Variants in NALF1 observed in about 807,000 individuals in gnomAD.
NALF1 encodes the protein NALCN channel auxiliary factor 1.
Under a neutral mutation model 48.4 loss-of-function variants are expected in NALF1, and 3 were observed. The ratio of observed to expected loss-of-function variants is 0.06; its 90% CI spans 0.03 to 0.16. NALF1 has a LOEUF of 0.16. Among genes scored for constraint, NALF1 ranks in the 10% least tolerant of loss-of-function variants. NALF1 has a pLI of 1.00. For synonymous variants in NALF1, 262 were observed against 245.7 expected, an observed-to-expected ratio of 1.07 and a Z score of -0.62; for missense variants, 526 against 571.5, an observed-to-expected ratio of 0.92 and a Z score of 0.81.
chr13:107,447,390 C>T (rs931714878), intron 1 of NALF1, among the ~76,000 whole-genome samples: 2 of 152,076 alleles, frequency 1.3e-5, no homozygotes, highest in Non-Finnish European at 2.9e-5. Flanking sequence ...TCCATCTCTC[C>T]TTTCTTCAAC....
chr13:107,586,094 C>T (rs1878448215), intron 1 of NALF1, among the ~76,000 whole-genome samples: 1 of 151,980 alleles, frequency 6.6e-6, no homozygotes, highest in South Asian at 2.1e-4. Context: ...ATATAGAAGG[C>T]TATGTGTGAA....
At chr13:107,849,814 A>G (rs1880264937) in intron 1 of NALF1, among the ~76,000 whole-genome samples, 2 of 152,150 alleles carry the variant, frequency 1.3e-5, no homozygotes, top group Admixed American at 1.3e-4. Flanking sequence ...AAGTGATTAG[A>G]CAAAAATAAT....
chr13:107,462,174 TG>T (rs1884929664), intron 1 of NALF1, among the ~76,000 whole-genome samples: 1 of 152,208 alleles, frequency 6.6e-6, no homozygotes. Flanking sequence ...TCATTTTTTT[TG>T]TGTGTCCTAC....
intron 1 of NALF1, among the ~76,000 whole-genome samples, chr13:107,653,608 A>T (rs1371618939): frequency 6.6e-6 from 1 of 151,994 alleles, no homozygotes; most frequent in Non-Finnish European, 1.5e-5. Context: ...CCATCCCTGA[A>T]TAGAATATAT....
At chr13:107,799,583 T>A (rs982720619) in intron 1 of NALF1, among the ~76,000 whole-genome samples, 2 of 152,226 alleles carry the variant, frequency 1.3e-5, no homozygotes, top group African/African-American at 2.4e-5. Context: ...TTACAAATAA[T>A]TCTTACCTTT....
rs1276647887 is a variant in NALF1, at chr13:107,362,620, A to T, written c.916-151865T>A. 6.6e-6 allele frequency among the ~76,000 whole-genome samples: 1 copy of T among 152,128 alleles called. No individual in the cohort carries two copies. The highest frequency in any genetic ancestry group is 1.9e-4 in the East Asian group (1 of 5,176). On this transcript the variant is annotated intron_variant, in intron 1 of 2. Transcript: ENST00000375915. This position sits in a 1 kb window ranked among gnomAD's most constrained non-coding sequence, Gnocchi z 4.6. ...ATGACCTCATCTTAATCATCTGTGA[A>T]GGCCTTATTTCCAAATAAGGTCACA...
intron 1 of NALF1, among the ~76,000 whole-genome samples, chr13:107,604,932 T>C (rs769269341): frequency 3.9e-5 from 6 of 152,296 alleles, no homozygotes; most frequent in Non-Finnish European, 7.4e-5. Context: ...GCTTACTATG[T>C]GCCAGACCCT....
chr13:107,689,758 G>A (rs1881524323), intron 1 of NALF1, among the ~76,000 whole-genome samples: 1 of 152,154 alleles, frequency 6.6e-6, no homozygotes, highest in African/African-American at 2.4e-5. Flanking sequence ...ATGTGTAAGT[G>A]AATGAGTTAT....
At chr13:107,759,755 G>A (rs1877213326) in intron 1 of NALF1, among the ~76,000 whole-genome samples, 1 of 149,696 alleles carries the variant, frequency 6.7e-6, no homozygotes, top group South Asian at 2.1e-4. Flanking sequence ...ATCTTCAAAT[G>A]GCATTTACTT....
At chr13:107,595,527 A>G (rs1878719830) in intron 1 of NALF1, among the ~76,000 whole-genome samples, 1 of 152,202 alleles carries the variant, frequency 6.6e-6, no homozygotes, top group African/African-American at 2.4e-5. Flanking sequence ...GCTTCATTTC[A>G]TAACAAGCCA....
At chr13:107,172,044 T>C (rs911871496) in intron 2 of NALF1, among the ~76,000 whole-genome samples, 1 of 152,176 alleles carries the variant, frequency 6.6e-6, no homozygotes, top group Non-Finnish European at 1.5e-5. Context: ...GGCTCACTGC[T>C]CAATGTTCCC....
intron 1 of NALF1, among the ~76,000 whole-genome samples, chr13:107,616,478 T>G (rs1879383200): frequency 6.6e-6 from 1 of 152,206 alleles, no homozygotes; most frequent in Admixed American, 6.5e-5. Context: ...TCAAAACCAT[T>G]TATGTGTTAT....
chr13:107,600,586 A>C (rs1028888848), intron 1 of NALF1, among the ~76,000 whole-genome samples: 3 of 152,202 alleles, frequency 2.0e-5, no homozygotes, highest in African/African-American at 7.2e-5. Context: ...GCTAAGTCAC[A>C]TGTTTATTGT....
intron 1 of NALF1, among the ~76,000 whole-genome samples, chr13:107,257,584 G>A (rs1880845437): frequency 6.6e-6 from 1 of 151,776 alleles, no homozygotes; most frequent in South Asian, 2.1e-4. Context: ...CATTGAAATG[G>A]GTATCTCTCC....
At chr13:107,828,567 C>A (rs116391990) in intron 1 of NALF1, among the ~76,000 whole-genome samples, 1,377 of 117,832 alleles carry the variant, frequency 0.012, 23 homozygotes, top group African/African-American at 0.038. Flanking sequence ...ATATTAAATT[C>A]TATCTATCTA....
intron 1 of NALF1, among the ~76,000 whole-genome samples, chr13:107,527,930 T>C (rs186819930): frequency 2.9e-4 from 44 of 152,256 alleles, no homozygotes; most frequent in Admixed American, 2.7e-3. Flanking sequence ...AACAAACTAA[T>C]ACAAAGCCTA....
chr13:107,262,751 G>T (rs1880954528), intron 1 of NALF1, among the ~76,000 whole-genome samples: 1 of 140,628 alleles, frequency 7.1e-6, no homozygotes, highest in Non-Finnish European at 1.5e-5. Context: ...ACCATATTAA[G>T]TTGCATAACC....
chr13:107,493,630 T>A (rs1406738319), intron 1 of NALF1, among the ~76,000 whole-genome samples: 1 of 151,968 alleles, frequency 6.6e-6, no homozygotes, highest in Non-Finnish European at 1.5e-5. Context: ...GCAAATGCAA[T>A]CCCAGGGAGA....
At chr13:107,288,723 G>A (rs1003580902) in intron 1 of NALF1, among the ~76,000 whole-genome samples, 2 of 150,970 alleles carry the variant, frequency 1.3e-5, no homozygotes, top group African/African-American at 2.4e-5. Flanking sequence ...AGTAGAGTCG[G>A]GGTTTCGCCA....
Sources: allele counts gnomAD v4.1 joint callset (sites outside exome capture counted in the v4.1 genomes callset), GRCh38; gene constraint gnomAD v4.1.1; non-coding constraint Gnocchi (gnomAD v3.1); transcripts MANE v1.5; gene names NCBI Gene and HGNC (gene_info 2026-07-23, HGNC 2026-07-21).